The following ALDH1A2 variants were observed in gnomAD, a reference collection of about 807,000 sequenced individuals.
ALDH1A2 encodes aldehyde dehydrogenase 1 family member A2, also known as retinal dehydrogenase 2.
A neutral mutation model predicts 60.3 loss-of-function variants in ALDH1A2; 27 were observed. The ratio of observed to expected loss-of-function variants is 0.45; its 90% CI spans 0.33 to 0.62. The LOEUF is 0.62. Ranked by LOEUF, ALDH1A2 falls within the 20% of genes least tolerant of loss-of-function variation. The pLI is 0.02. For missense variants in ALDH1A2, 581 were observed against 643.8 expected, an observed-to-expected ratio of 0.90 and a Z score of 1.06; for synonymous variants, 289 against 232.4, an observed-to-expected ratio of 1.24 and a Z score of -2.21.
intron 1 of ALDH1A2, among the ~76,000 whole-genome samples, chr15:58,046,588 C>G (rs1896645128): frequency 6.6e-6 from 1 of 151,992 alleles, no homozygotes; most frequent in South Asian, 2.1e-4. Flanking sequence ...AAATCCTGAG[C>G]AAGCTATTAA....
At chr15:58,042,821 G>T (rs576372088) in intron 1 of ALDH1A2, among the ~76,000 whole-genome samples, 19 of 152,036 alleles carry the variant, frequency 1.2e-4, no homozygotes, top group African/African-American at 4.6e-4. Flanking sequence ...TGGTTCACAA[G>T]GAACTGCTTT....
chr15:58,054,106 C>T (rs1896839574), intron 1 of ALDH1A2, among the ~76,000 whole-genome samples: 2 of 152,068 alleles, frequency 1.3e-5, no homozygotes, highest in South Asian at 4.1e-4. Flanking sequence ...GGAGAGCCAA[C>T]TACAAAGGTT....
chr15:57,986,893 G>A (rs796209977), intron 7 of ALDH1A2, among the ~76,000 whole-genome samples: 9 of 152,200 alleles, frequency 5.9e-5, no homozygotes, highest in African/African-American at 2.2e-4. Flanking sequence ...GACCTCAGGT[G>A]ATCCACCTGC....
At position 58,034,581 on chromosome 15, in the gene ALDH1A2, T is replaced by C. The variant is rs142808846; in HGVS notation, c.118-20300A>G. Among the ~76,000 whole-genome samples the C allele has an allele frequency of 1.8e-4, 28 of 151,804 alleles. No individual in the cohort carries two copies. In the East Asian group the frequency reaches 5.2e-3, roughly 28 times the overall value. On this transcript the variant is annotated intron_variant, in intron 1 of 12. Coordinates refer to ENST00000249750, the MANE Select transcript of ALDH1A2 (RefSeq NM_003888.4). ...GCATCTAGTTTCTCACCATTAAATATTATGTTAGCTATAGGTTTTATGTAG... is the reference window on the plus strand; with the variant it reads ...GCATCTAGTTTCTCACCATTAAATACTATGTTAGCTATAGGTTTTATGTAG...
intron 1 of ALDH1A2, among the ~76,000 whole-genome samples, chr15:58,034,322 C>T (rs180954784): frequency 6.6e-6 from 1 of 151,598 alleles, no homozygotes; most frequent in East Asian, 1.9e-4. Flanking sequence ...ACATAGAATC[C>T]TGCAAATTTA....
intron 1 of ALDH1A2, among the ~76,000 whole-genome samples, chr15:58,051,718 C>A (rs932625265): frequency 6.6e-6 from 1 of 152,134 alleles, no homozygotes. Flanking sequence ...TACCTTCCTA[C>A]GTTTGATCTC....
intron 4 of ALDH1A2, among the ~76,000 whole-genome samples, chr15:58,004,721 A>G (rs4775010): frequency 0.48 from 51,501 of 108,390 alleles, 10,107 homozygotes; most frequent in Non-Finnish European, 0.55. Flanking sequence ...GTGTGTGTGT[A>G]TATATATACA....
chr15:57,965,225 T>C (rs1329950129), intron 8 of ALDH1A2, among the ~76,000 whole-genome samples: 1 of 152,180 alleles, frequency 6.6e-6, no homozygotes, highest in Non-Finnish European at 1.5e-5. Context: ...CTGACCCACG[T>C]GTGCTGTCAT....
intron 1 of ALDH1A2, among the ~76,000 whole-genome samples, chr15:58,053,344 A>G (rs2140573769): frequency 6.6e-6 from 1 of 152,284 alleles, no homozygotes; most frequent in African/African-American, 2.4e-5. Flanking sequence ...TAGTTCACTG[A>G]AATTATAAAG....
At chr15:58,007,489 G>A (rs1895498301) in intron 4 of ALDH1A2, among the ~76,000 whole-genome samples, 1 of 151,792 alleles carries the variant, frequency 6.6e-6, no homozygotes. Context: ...TGAATCTCAC[G>A]TCTCCCACTT....
chr15:58,008,798 A>T (rs1290668702), intron 4 of ALDH1A2, among the ~76,000 whole-genome samples: 3 of 152,104 alleles, frequency 2.0e-5, no homozygotes, highest in Non-Finnish European at 4.4e-5. Context: ...AAAAAGACTG[A>T]CATGTGTCCC....
At chr15:58,040,633 T>C (rs1896497105) in intron 1 of ALDH1A2, among the ~76,000 whole-genome samples, 1 of 151,928 alleles carries the variant, frequency 6.6e-6, no homozygotes, top group Non-Finnish European at 1.5e-5. Flanking sequence ...TCAACATCTA[T>C]GGCTGTTCCC....
In ALDH1A2 at chr15:58,065,690, G is replaced by T. The variant is rs1240620802; in HGVS notation, c.-40C>A. The T allele has an allele frequency of 7.2e-7, 1 of 1,384,372 alleles. No homozygotes were observed. Among genetic ancestry groups the T allele is most frequent in the Non-Finnish European group, 9.7e-7 (1 of 1,027,074 alleles). The allele number at this position is 1,384,372 out of a possible 1,614,324, so 85.8% of individuals were successfully genotyped here. A position where few individuals can be genotyped will look rare whatever the true frequency, so the allele number is the denominator to read the frequency against. On this transcript the variant is annotated 5_prime_UTR_variant, in exon 1 of 13. The change creates a new upstream start codon in the 5' untranslated region. Coordinates refer to ENST00000249750, the MANE Select transcript of ALDH1A2 (RefSeq NM_003888.4). Reference sequence around the variant, plus strand: ...TGTCCCTAGCCCGCGGCGTGGGGCAGTGCGGGCTGTGCGCGCGGTCCGCGG... The same window carrying T: ...TGTCCCTAGCCCGCGGCGTGGGGCATTGCGGGCTGTGCGCGCGGTCCGCGG...
Position 57,968,147 on chromosome 15 carries a change from T to G in ALDH1A2, c.799-2320A>C, listed in dbSNP as rs575713887. 5.3e-5 allele frequency among the ~76,000 whole-genome samples: 8 copies of G among 152,288 alleles called. No individual in the cohort carries two copies. In the South Asian group the frequency reaches 1.7e-3, roughly 32 times the overall value. On this transcript the variant is annotated intron_variant, in intron 7 of 12. Transcript: ENST00000249750. ...TCCAAATTAACTGATGTGGACTCAT[T>G]TTAAAGTCAAGGAAGATAAACAGGT...
rs746007183 is a variant in ALDH1A2, at chr15:57,955,253, G to A, written c.1501C>T (p.Arg501Trp). The change falls in exon 13 of 13, where the codon CGG becomes TGG. Residue 501 changes from arginine (R) to tryptophan (W), a missense_variant. This residue lies in a region of ALDH1A2 where 375 missense variants were observed against 469.7 expected (regional missense o/e 0.80). Coordinates refer to ENST00000249750, the MANE Select transcript of ALDH1A2 (RefSeq NM_003888.4). Reference sequence around the variant, plus strand: ...ACCGTCTTAACTTCTGAGTACTCCCGCAAGCCAAATTCTCCCCTGAAACAC... The same window carrying A: ...ACCGTCTTAACTTCTGAGTACTCCCACAAGCCAAATTCTCCCCTGAAACAC... Reference protein sequence around the residue: ...NGREMGEFGLREYSEVKTVTV... With the variant: ...NGREMGEFGLWEYSEVKTVTV... 13 of 1,613,986 alleles carry A rather than the reference G, an allele frequency of 8.1e-6. No homozygotes were observed. The highest frequency in any genetic ancestry group is 6.7e-5 in the East Asian group (3 of 44,862).
At chr15:58,040,451 G>C (rs535395932) in intron 1 of ALDH1A2, among the ~76,000 whole-genome samples, 1 of 151,912 alleles carries the variant, frequency 6.6e-6, no homozygotes, top group Non-Finnish European at 1.5e-5. Context: ...TACAACGAAC[G>C]TTATGAGGGG....
intron 4 of ALDH1A2, among the ~76,000 whole-genome samples, chr15:58,007,669 T>C: frequency 6.6e-6 from 1 of 151,996 alleles, no homozygotes; most frequent in East Asian, 1.9e-4. Flanking sequence ...TCTATGCAAA[T>C]ATAAAGTACA....
intron 1 of ALDH1A2, among the ~76,000 whole-genome samples, chr15:58,042,868 T>C (rs1438110425): frequency 6.6e-6 from 1 of 151,954 alleles, no homozygotes; most frequent in African/African-American, 2.4e-5. Flanking sequence ...GGAGTTCTCC[T>C]GAGTGACTTG....
chr15:58,022,014 C>G (rs1314747499), intron 1 of ALDH1A2, among the ~76,000 whole-genome samples: 1 of 152,200 alleles, frequency 6.6e-6, no homozygotes, highest in African/African-American at 2.4e-5. Context: ...CCTGCCGGTC[C>G]AGGCTGTGGC....
Sources: allele counts gnomAD v4.1 joint callset (sites outside exome capture counted in the v4.1 genomes callset), GRCh38; gene constraint gnomAD v4.1.1; regional missense constraint gnomAD v4.1.1; transcripts MANE v1.5; gene names NCBI Gene and HGNC (gene_info 2026-07-23, HGNC 2026-07-21).